Variants in RADIL observed in about 807,000 individuals in gnomAD.
RADIL encodes the protein Rap associating with DIL domain, also known as ras-associating and dilute domain-containing protein.
Under a neutral mutation model 97.6 loss-of-function variants are expected in RADIL, and 99 were observed. The observed-to-expected ratio is 1.01, with a 90% CI of 0.86 to 1.20. The LOEUF (loss-of-function observed/expected upper bound fraction) is 1.20, where lower values mean the gene tolerates loss of function less well. RADIL is among the 50% of genes most tolerant of loss of function. The probability of loss-of-function intolerance (pLI) is 0.00; values close to 1 mark genes in which losing one functional copy is unlikely to be tolerated. For synonymous variants in RADIL, 803 were observed against 691.8 expected (o/e 1.16, Z -2.52); for missense variants, 1,765 against 1,498.9 (o/e 1.18, Z -2.93).
intron 2 of RADIL, among the ~76,000 whole-genome samples, chr7:4,855,486 G>A (rs1783804759): frequency 6.6e-6 from 1 of 152,020 alleles, no homozygotes; most frequent in Non-Finnish European, 1.5e-5. Flanking sequence ...CCCGTCAACT[G>A]TGCTAGATAA....
intron 2 of RADIL, among the ~76,000 whole-genome samples, chr7:4,874,667 T>C (rs1244418326): frequency 1.3e-5 from 2 of 152,182 alleles, no homozygotes; most frequent in Non-Finnish European, 2.9e-5. Context: ...TGGACTCTCT[T>C]TGGCAGGTTT....
At chr7:4,845,098 C>A (rs562884270) in intron 2 of RADIL, among the ~76,000 whole-genome samples, 1 of 151,654 alleles carries the variant, frequency 6.6e-6, no homozygotes. Flanking sequence ...ATTATATTTA[C>A]AGAATACTTT....
rs532132058 is a variant in RADIL at position 4,826,891 on chromosome 7, A to G, written c.1455-4337T>C. Reference sequence around the variant, plus strand: ...TAATTCGACTTGCCCATTAACAAAGATAAGACAGGTGAACAAACAATGGCT... The same window carrying G: ...TAATTCGACTTGCCCATTAACAAAGGTAAGACAGGTGAACAAACAATGGCT... On this transcript the variant is annotated intron_variant, in intron 5 of 14. Transcript: ENST00000399583. Among the ~76,000 whole-genome samples the G allele has an allele frequency of 2.0e-5, 3 of 152,338 alleles. No homozygotes were observed. In the East Asian group the frequency reaches 5.8e-4, roughly 29 times the overall value.
At chr7:4,803,488 G>A in intron 11 of RADIL, 58 bp downstream of exon 11, 4 of 1,401,474 alleles carry the variant, frequency 2.9e-6, no homozygotes, top group Non-Finnish European at 3.8e-6. Flanking sequence ...CACGCTGGCT[G>A]GGTCCCCTCC....
intron 5 of RADIL, among the ~76,000 whole-genome samples, chr7:4,831,835 C>T (rs535736489): frequency 6.6e-6 from 1 of 152,102 alleles, no homozygotes; most frequent in Non-Finnish European, 1.5e-5. Context: ...TTGCTGTGAG[C>T]AGAGATTGCA....
chr7:4,879,627 C>T lies in RADIL; in HGVS notation c.-64-1424G>A, dbSNP rs1354969599. 2.6e-5 allele frequency among the ~76,000 whole-genome samples: 4 copies of T among 152,196 alleles called. No homozygotes were observed. Among genetic ancestry groups the T allele is most frequent in the African/African-American group, 9.7e-5 (4 of 41,442 alleles). On this transcript the variant is annotated intron_variant, in intron 1 of 14. Transcript: ENST00000399583. The surrounding 1 kb of genome is among the most constrained non-coding windows in gnomAD (Gnocchi z 4.1). The stretch of plus-strand genomic sequence containing the variant: ...ACCGCAGCAGCCAACTGTCACTGTC[C>T]AGGCTTGACTCACTCGTCACGCTGC...
chr7:4,853,618 T>C (rs1273203302), intron 2 of RADIL, among the ~76,000 whole-genome samples: 1 of 151,862 alleles, frequency 6.6e-6, no homozygotes, highest in East Asian at 1.9e-4. Context: ...GGTGGGTGCC[T>C]GTAATCCCAG....
intron 2 of RADIL, among the ~76,000 whole-genome samples, chr7:4,846,982 C>G (rs547716364): frequency 2.6e-5 from 4 of 151,708 alleles, no homozygotes; most frequent in Admixed American, 6.6e-5. Context: ...CAGAGGAAAA[C>G]CAAAATAAGA....
At chr7:4,806,048 T>C (rs1782296528) in intron 9 of RADIL, 2 of 985,328 alleles carry the variant, frequency 2.0e-6, no homozygotes, top group Admixed American at 6.1e-5. Context: ...ATCAGATTCC[T>C]GCCTCCAACG....
Position 4,877,812 on chromosome 7 carries a change from AC to A in RADIL, c.327del (p.Gln109HisfsTer34). 1.2e-6 allele frequency: 2 copies of A among 1,609,934 alleles called. No homozygotes were observed. The highest frequency in any genetic ancestry group is 1.7e-6 in the Non-Finnish European group (2 of 1,179,874). The part of the protein sequence containing the change: ...RYALDPRQAG[Q>X]YVLCDVVGQA... ...TGGCCCACCACGTCACACAGCACGTACTGGCCGGCCTGCCTGGGGTCCAGGG... is the reference window on the plus strand; with the variant it reads ...TGGCCCACCACGTCACACAGCACGTATGGCCGGCCTGCCTGGGGTCCAGGG... On this transcript the variant is annotated frameshift_variant, in exon 2 of 15. Coordinates refer to ENST00000399583, the MANE Select transcript of RADIL (RefSeq NM_018059.5). LOFTEE classifies it high-confidence loss of function.
chr7:4,817,897 G>A lies in RADIL; in HGVS notation c.1616-546C>T, dbSNP rs550391838. On this transcript the variant is annotated intron_variant, in intron 6 of 14. Coordinates refer to ENST00000399583, the MANE Select transcript of RADIL (RefSeq NM_018059.5). The surrounding 1 kb of genome is among the most constrained non-coding windows in gnomAD (Gnocchi z 8.3). ...AGCTGCCCACGGAGTGGTTCCTGCC[G>A]TCTGGGTGGGGGCTCTTGTGAAGGT... Among the ~76,000 whole-genome samples the A allele has an allele frequency of 1.1e-4, 16 of 152,336 alleles. No homozygotes were observed. The highest frequency in any genetic ancestry group is 9.7e-4 in the East Asian group (5 of 5,176).
chr7:4,853,380 T>C (rs1783753993), intron 2 of RADIL, among the ~76,000 whole-genome samples: 2 of 152,162 alleles, frequency 1.3e-5, no homozygotes, highest in Admixed American at 1.3e-4. Flanking sequence ...ATGGGCCTTT[T>C]AAATAGCAGA....
Position 4,798,073 on chromosome 7 carries a change from C to A in RADIL, c.*1305G>T, listed in dbSNP as rs959060883. ...CGTATACATGAATATGTAATATATT[C>A]ATATATAATTATATATTTATATATA... On this transcript the variant is annotated 3_prime_UTR_variant, in exon 15 of 15. Transcript: ENST00000399583. 6.8e-6 allele frequency: 1 copy of A among 147,288 alleles called. No individual in the cohort carries two copies. Among genetic ancestry groups the A allele is most frequent in the Non-Finnish European group, 1.5e-5 (1 of 67,050 alleles). The allele number at this position is 147,288 out of a possible 1,614,324, so 9.1% of individuals were successfully genotyped here.
In RADIL at chr7:4,877,958, G is replaced by A; in HGVS notation, c.182C>T (p.Ala61Val). ...DPAELSTQLS[A>V]PGVLKVFGDS... The stretch of plus-strand genomic sequence containing the variant: ...CCCAAACACCTTCAGGACACCAGGG[G>A]CCGACAGCTGGGTGGAGAGCTCGGC... The change falls in exon 2 of 15, where the codon GCC (alanine) becomes GTC (valine). Residue 61 changes from alanine to valine, a missense_variant. By Grantham distance (64) the Ala-to-Val change is moderately conservative. Transcript: ENST00000399583. 2 of 1,610,826 alleles carry A rather than the reference G, an allele frequency of 1.2e-6. No individual in the cohort carries two copies. Among genetic ancestry groups the A allele is most frequent in the Non-Finnish European group, 1.7e-6 (2 of 1,179,992 alleles).
intron 11 of RADIL, among the ~76,000 whole-genome samples, chr7:4,803,323 C>CA (rs957154243): frequency 9.6e-6 from 1 of 104,566 alleles, no homozygotes; most frequent in Admixed American, 8.7e-5. Flanking sequence ...CCGGGCACCT[C>CA]AGGGCACGCT....
rs764169936 is a variant in RADIL, at chr7:4,816,487, C to G, written c.1729-22G>C. ...GGGACTGGCGGGGGCAAGAGGAGAA[C>G]AGCAACCAGCATTTCCAGGAGCGCT... On this transcript the variant is annotated intron_variant, in intron 7 of 14. Transcript: ENST00000399583. 10 of 1,579,196 alleles carry G rather than the reference C, an allele frequency of 6.3e-6. No individual in the cohort carries two copies. The East Asian group carries it at 1.6e-4, about 25-fold the overall frequency.
chr7:4,881,197 C>T lies in RADIL; in HGVS notation c.-65+2399G>A, dbSNP rs138484519. Among the ~76,000 whole-genome samples the T allele has an allele frequency of 5.9e-3, 855 of 145,776 alleles. 10 individuals carry two copies. Among genetic ancestry groups the T allele is most frequent in the African/African-American group, 0.02 (801 of 39,528 alleles). On this transcript the variant is annotated intron_variant, in intron 1 of 14. Coordinates refer to ENST00000399583, the MANE Select transcript of RADIL (RefSeq NM_018059.5). Reference sequence around the variant, plus strand: ...TTGGGAGGCTGAGGCGGGCAGATCACGAGGTCAGCAGATCGAGACCATCCT... The same window carrying T: ...TTGGGAGGCTGAGGCGGGCAGATCATGAGGTCAGCAGATCGAGACCATCCT...
chr7:4,861,894 G>T, intron 2 of RADIL: 2 of 635,424 alleles, frequency 3.1e-6, no homozygotes, highest in South Asian at 8.0e-5. Flanking sequence ...CGCTGAGGCG[G>T]AAGGGCAGGG....
chr7:4,878,196 G>C lies in RADIL; in HGVS notation c.-57C>G. On this transcript the variant is annotated 5_prime_UTR_variant, in exon 2 of 15. Coordinates refer to ENST00000399583, the MANE Select transcript of RADIL (RefSeq NM_018059.5). The surrounding 1 kb of genome is among the most constrained non-coding windows in gnomAD (Gnocchi z 4.1). ...GGCTTCAGCCAAAGGATGTGGGGAG[G>C]CCGTGACCTGGGTGAAAAAGTGAGA... 1 of 1,450,294 alleles carries C rather than the reference G, an allele frequency of 6.9e-7. No homozygotes were observed. The highest frequency in any genetic ancestry group is 9.1e-7 in the Non-Finnish European group (1 of 1,099,298). The allele number at this position is 1,450,294 out of a possible 1,614,324, so 89.8% of individuals were successfully genotyped here. A position where few individuals can be genotyped will look rare whatever the true frequency, so the allele number is the denominator to read the frequency against.
Sources: allele counts gnomAD v4.1 joint callset (sites outside exome capture counted in the v4.1 genomes callset), GRCh38; gene constraint gnomAD v4.1.1; non-coding constraint Gnocchi (gnomAD v3.1); transcripts MANE v1.5; gene names NCBI Gene and HGNC (gene_info 2026-07-23, HGNC 2026-07-21).